Variants in PATJ observed in about 807,000 individuals in gnomAD.
PATJ encodes the protein PATJ crumbs cell polarity complex component.
A neutral mutation model predicts 224.9 loss-of-function variants in PATJ; 190 were observed. That is an observed-to-expected ratio of 0.84 (90% confidence interval 0.75 to 0.95). PATJ has a LOEUF of 0.95. Ranked by LOEUF, PATJ falls within the 40% of genes least tolerant of loss-of-function variation. The pLI is 0.00. For synonymous variants in PATJ, 769 were observed against 820.3 expected (o/e 0.94, Z 1.07); for missense variants, 2,121 against 2,270.3 (o/e 0.93, Z 1.34).
intron 1 of PATJ, among the ~76,000 whole-genome samples, chr1:61,742,910 C>T (rs1207743187): frequency 6.6e-6 from 1 of 152,070 alleles, no homozygotes; most frequent in African/African-American, 2.4e-5. Flanking sequence ...CCCGCCTCCC[C>T]AGGCCTTTCG....
intron 27 of PATJ, among the ~76,000 whole-genome samples, chr1:61,954,835 A>T (rs929644575): frequency 1.4e-4 from 21 of 150,822 alleles, no homozygotes; most frequent in Admixed American, 1.3e-3. Context: ...CTCACTGCAA[A>T]CTTCTCCTCC....
At position 62,097,431 on chromosome 1, in the gene PATJ, G is replaced by C. The variant is rs78986598; in HGVS notation, c.4378-11006G>C. ...TGTGACTTTTAAGCCTTGGTCTCAAGAGGCCTTGCAATTTTAGCTCTTGCT... is the reference window on the plus strand; with the variant it reads ...TGTGACTTTTAAGCCTTGGTCTCAACAGGCCTTGCAATTTTAGCTCTTGCT... On this transcript the variant is annotated intron_variant, in intron 33 of 43. Transcript: ENST00000642238. Among the ~76,000 whole-genome samples the C allele has an allele frequency of 6.7e-3, 1,025 of 152,286 alleles. 11 individuals carry two copies. Among genetic ancestry groups the C allele is most frequent in the African/African-American group, 0.023 (973 of 41,560 alleles).
intron 28 of PATJ, among the ~76,000 whole-genome samples, chr1:62,015,175 G>C (rs2148360249): frequency 6.6e-6 from 1 of 151,782 alleles, no homozygotes; most frequent in Non-Finnish European, 1.5e-5. Flanking sequence ...TTGGTGGCGG[G>C]CACCTGTAAT....
intron 27 of PATJ, among the ~76,000 whole-genome samples, chr1:61,953,249 T>G (rs2149392998): frequency 6.6e-6 from 1 of 152,372 alleles, no homozygotes; most frequent in East Asian, 1.9e-4. Flanking sequence ...TATTCTTGCA[T>G]AAGTATTATT....
rs548937968 is a variant in PATJ at position 61,851,227 on chromosome 1, G to T, written c.2113-4803G>T. 2.0e-5 allele frequency among the ~76,000 whole-genome samples: 3 copies of T among 152,280 alleles called. No individual in the cohort carries two copies. In the East Asian group the frequency reaches 5.8e-4, roughly 29 times the overall value. ...TAACAGGAAGACCAAACTAATTCTA[G>T]AAGGTCAAATAGTAAAGGAAATATA... is the stretch of plus-strand genomic sequence containing the variant. On this transcript the variant is annotated intron_variant, in intron 17 of 43. Transcript: ENST00000642238.
intron 15 of PATJ, among the ~76,000 whole-genome samples, chr1:61,826,282 C>CCAGCAA (rs201087053): frequency 0.028 from 4,222 of 152,312 alleles, 95 homozygotes; most frequent in Middle Eastern, 0.065. Flanking sequence ...AACCCAGTGT[C>CCAGCAA]CTCTTCCTCT....
chr1:62,066,150 G>A (rs1656371843), intron 31 of PATJ, among the ~76,000 whole-genome samples: 1 of 152,154 alleles, frequency 6.6e-6, no homozygotes, highest in Non-Finnish European at 1.5e-5. Flanking sequence ...CAGAACTGCC[G>A]AGGATAACAG....
At chr1:61,956,814 A>G (rs1350055523) in intron 27 of PATJ, among the ~76,000 whole-genome samples, 1 of 152,230 alleles carries the variant, frequency 6.6e-6, no homozygotes, top group Admixed American at 6.5e-5. Context: ...TTGCTAAGTC[A>G]CATTTATATG....
At chr1:61,813,375 A>ATT in intron 14 of PATJ, among the ~76,000 whole-genome samples, 1 of 29,766 alleles carries the variant, frequency 3.4e-5, no homozygotes, top group South Asian at 1.1e-3. Flanking sequence ...ATATATATAT[A>ATT]TATACACACA....
At chr1:61,850,785 A>T (rs555508331) in intron 17 of PATJ, among the ~76,000 whole-genome samples, 17 of 152,328 alleles carry the variant, frequency 1.1e-4, no homozygotes, top group African/African-American at 3.4e-4. Context: ...TCACCAGGAA[A>T]GTGGGGATAA....
intron 21 of PATJ, among the ~76,000 whole-genome samples, chr1:61,882,174 A>G (rs1344077214): frequency 6.6e-6 from 1 of 152,174 alleles, no homozygotes; most frequent in African/African-American, 2.4e-5. Context: ...GATAGGGTTC[A>G]TGAGGGAAAA....
chr1:61,890,119 C>T (rs1178469046), intron 22 of PATJ, among the ~76,000 whole-genome samples: 2 of 152,164 alleles, frequency 1.3e-5, no homozygotes, highest in African/African-American at 4.8e-5. Context: ...CTGTATGACC[C>T]TGAAAGGGTT....
At position 61,763,178 on chromosome 1, in the gene PATJ, A is replaced by C. The variant is rs1570329463; in HGVS notation, c.188A>C (p.Gln63Pro). 1 of 1,557,422 alleles carries C rather than the reference A, an allele frequency of 6.4e-7. No individual in the cohort carries two copies. The highest frequency in any genetic ancestry group is 2.3e-5 in the East Asian group (1 of 43,796). ...LQQSIKQLKGQLNHIPSDCSA... is the reference protein window; with the variant it reads ...LQQSIKQLKGPLNHIPSDCSA... ...CAGTCCATCAAGCAACTGAAGGGTC[A>C]AGTAAGTTACCCATCAGAGTTTTAC... Residue 63 changes from glutamine to proline, a missense_variant and splice_region_variant, in exon 3 of 44, where the codon CAA becomes CCA. By Grantham distance (76) the Gln-to-Pro change is moderately conservative. Transcript: ENST00000642238.
rs143575586 is a variant in PATJ at position 61,775,273 on chromosome 1, T to A, written c.788T>A (p.Val263Asp). The A allele has an allele frequency of 4.3e-6, 7 of 1,613,902 alleles. No homozygotes were observed. Among genetic ancestry groups the A allele is most frequent in the African/African-American group, 1.3e-5 (1 of 75,016 alleles). The change falls in exon 7 of 44, where the codon GTT becomes GAT. Residue 263 changes from valine (V) to aspartate (D), a missense_variant. By Grantham distance (152) the Val-to-Asp change is radical. Transcript: ENST00000642238. ...GGCTCTGGACTAGGTTTTGGAATAG[T>A]TGGAGGAAAAACAAGTGGCGTGGTT... The part of the protein sequence containing the change: ...NDGSGLGFGI[V>D]GGKTSGVVVR...
chr1:61,903,939 A>G (rs913128089), intron 24 of PATJ, among the ~76,000 whole-genome samples: 1 of 151,824 alleles, frequency 6.6e-6, no homozygotes, highest in Admixed American at 6.6e-5. Context: ...CGCCCGGCTA[A>G]TTTTTGAATT....
chr1:62,150,338 C>CA (rs1315109438), intron 42 of PATJ, among the ~76,000 whole-genome samples: 2 of 152,104 alleles, frequency 1.3e-5, no homozygotes, highest in Admixed American at 1.3e-4. Context: ...CCCCAGTCCC[C>CA]AGAGAGCTGC....
chr1:61,998,933 A>G (rs1003027434), intron 28 of PATJ, among the ~76,000 whole-genome samples: 20 of 152,188 alleles, frequency 1.3e-4, no homozygotes, highest in Non-Finnish European at 1.5e-4. Flanking sequence ...TGGAGGAAGG[A>G]CAATCGTTTA....
At chr1:61,770,098 A>G (rs1338326459) in intron 5 of PATJ, among the ~76,000 whole-genome samples, 2 of 152,224 alleles carry the variant, frequency 1.3e-5, no homozygotes, top group African/African-American at 4.8e-5. Flanking sequence ...GTATATTATT[A>G]TAAAATTCTT....
chr1:62,117,920 T>C (rs1420808389), intron 37 of PATJ, among the ~76,000 whole-genome samples: 1 of 152,152 alleles, frequency 6.6e-6, no homozygotes, highest in African/African-American at 2.4e-5. Context: ...TAGGCCGCCT[T>C]AGTTTTGAGG....
Sources: gnomAD v4.1 joint callset for allele counts (sites outside exome capture counted in the v4.1 genomes callset) on GRCh38, gnomAD v4.1.1 for gene constraint, MANE v1.5 for transcripts, NCBI Gene and HGNC (gene_info 2026-07-23, HGNC 2026-07-21) for gene names.